Variants in SOX5 observed in about 807,000 individuals in gnomAD.
SOX5 encodes SRY-box transcription factor 5, also known as transcription factor SOX-5.
A neutral mutation model predicts 92.0 loss-of-function variants in SOX5; 9 were observed. The ratio of observed to expected loss-of-function variants is 0.10; its 90% CI spans 0.06 to 0.17. The LOEUF (loss-of-function observed/expected upper bound fraction) is 0.17, where lower values mean the gene tolerates loss of function less well. SOX5 is among the 10% of genes least tolerant of loss of function. The pLI is 1.00. For synonymous variants in SOX5, 344 were observed against 336.3 expected, an observed-to-expected ratio of 1.02 and a Z score of -0.25; for missense variants, 642 against 944.5, an observed-to-expected ratio of 0.68 and a Z score of 4.20.
chr12:24,029,122 G>C (rs1388346793), intron 4 of SOX5, among the ~76,000 whole-genome samples: 1 of 151,956 alleles, frequency 6.6e-6, no homozygotes, highest in Non-Finnish European at 1.5e-5. Flanking sequence ...CTTTTCCAAT[G>C]ATAATAGTAG....
intron 8 of SOX5, among the ~76,000 whole-genome samples, chr12:23,632,531 G>C (rs2078678490): frequency 6.6e-6 from 1 of 152,000 alleles, no homozygotes. Flanking sequence ...TCTTGGCCAA[G>C]CATATAAAGC....
intron 1 of SOX5, among the ~76,000 whole-genome samples, chr12:24,537,775 G>A (rs1001684441): frequency 3.9e-5 from 6 of 152,222 alleles, no homozygotes; most frequent in Middle Eastern, 3.4e-3. Flanking sequence ...GCATTTTCTC[G>A]AAAGTTTCTG....
intron 4 of SOX5, among the ~76,000 whole-genome samples, chr12:23,993,907 G>GCA (rs1309418845): frequency 1.3e-4 from 20 of 151,778 alleles, no homozygotes; most frequent in Non-Finnish European, 2.4e-4. Flanking sequence ...ATGTATGTAT[G>GCA]TATGTATGCA....
rs149108302 is a variant in SOX5 at position 23,727,229 on chromosome 12, A to G, written c.810+7455T>C. ...TCAATATAGTAATCAGCTTAGAGCA[A>G]CACAGACTTTGTTATTTCAAATAGC... On this transcript the variant is annotated intron_variant, in intron 6 of 14. Transcript: ENST00000451604. Among the ~76,000 whole-genome samples the G allele has an allele frequency of 2.3e-3, 345 of 152,300 alleles. 1 individual carries two copies. The highest frequency in any genetic ancestry group is 7.8e-3 in the African/African-American group (324 of 41,576).
chr12:24,025,018 C>T (rs1954727367), intron 4 of SOX5, among the ~76,000 whole-genome samples: 1 of 151,888 alleles, frequency 6.6e-6, no homozygotes. Flanking sequence ...TACTAAAATC[C>T]TATCTTTTAC....
At chr12:24,480,079 C>T (rs1945821580) in intron 1 of SOX5, among the ~76,000 whole-genome samples, 1 of 152,052 alleles carries the variant, frequency 6.6e-6, no homozygotes, top group African/African-American at 2.4e-5. Context: ...TCGAATGGAA[C>T]AGAATAGAAT....
At chr12:23,763,716 A>G (rs1439797529) in intron 3 of SOX5, among the ~76,000 whole-genome samples, 1 of 152,056 alleles carries the variant, frequency 6.6e-6, no homozygotes, top group East Asian at 1.9e-4. Context: ...TAGGTCCTCA[A>G]CAATATCTAA....
At chr12:23,562,153 T>TCATA (rs1946317972) in intron 11 of SOX5, among the ~76,000 whole-genome samples, 1 of 152,228 alleles carries the variant, frequency 6.6e-6, no homozygotes, top group Admixed American at 6.5e-5. Flanking sequence ...GACACCAATG[T>TCATA]CATACGTCTT....
At chr12:24,191,767 G>A (rs180787079) in intron 4 of SOX5, among the ~76,000 whole-genome samples, 1 of 152,264 alleles carries the variant, frequency 6.6e-6, no homozygotes, top group Admixed American at 6.5e-5. Flanking sequence ...AAGGATTAAA[G>A]TATTTTGTTT....
At chr12:24,145,953 T>A (rs562385396) in intron 4 of SOX5, among the ~76,000 whole-genome samples, 3 of 152,294 alleles carry the variant, frequency 2.0e-5, no homozygotes, top group African/African-American at 7.2e-5. Flanking sequence ...AGCTTAAACA[T>A]CTATGAATGA....
intron 1 of SOX5, among the ~76,000 whole-genome samples, chr12:23,925,587 GAA>G (rs1173271282): frequency 6.6e-6 from 1 of 152,044 alleles, no homozygotes; most frequent in Admixed American, 6.6e-5. Context: ...CTGTATGGAG[GAA>G]AGTTATTACA....
At chr12:23,992,329 G>A (rs1489562849) in intron 4 of SOX5, among the ~76,000 whole-genome samples, 1 of 151,974 alleles carries the variant, frequency 6.6e-6, no homozygotes, top group Admixed American at 6.6e-5. Flanking sequence ...AAACTAATGT[G>A]CCACAAAAAA....
chr12:23,828,245 G>A (rs899109071), intron 3 of SOX5, among the ~76,000 whole-genome samples: 20 of 152,226 alleles, frequency 1.3e-4, no homozygotes, highest in African/African-American at 3.8e-4. Flanking sequence ...ACTCTATTAC[G>A]TTTGCACAAG....
chr12:23,579,950 A>G (rs781218267), intron 9 of SOX5, among the ~76,000 whole-genome samples: 1 of 152,108 alleles, frequency 6.6e-6, no homozygotes, highest in Non-Finnish European at 1.5e-5. Context: ...TGAAAATAAC[A>G]TATTTCATAA....
chr12:23,759,019 A>C (rs2094489972), intron 3 of SOX5, among the ~76,000 whole-genome samples: 1 of 72,310 alleles, frequency 1.4e-5, no homozygotes, highest in Non-Finnish European at 2.8e-5. Context: ...AAACACACAC[A>C]CACACACACA....
intron 2 of SOX5, among the ~76,000 whole-genome samples, chr12:24,281,429 A>G (rs1006542196): frequency 6.6e-6 from 1 of 152,180 alleles, no homozygotes; most frequent in Non-Finnish European, 1.5e-5. Flanking sequence ...ATCTCTTCAC[A>G]ATAACAGCTG....
At chr12:24,308,108 A>G (rs1948800784) in intron 2 of SOX5, among the ~76,000 whole-genome samples, 1 of 151,948 alleles carries the variant, frequency 6.6e-6, no homozygotes, top group Admixed American at 6.5e-5. Context: ...CATGCCTATT[A>G]AGAGGCAAAA....
chr12:24,218,855 G>A (rs747293203), intron 3 of SOX5, among the ~76,000 whole-genome samples: 7 of 152,062 alleles, frequency 4.6e-5, no homozygotes, highest in Non-Finnish European at 7.4e-5. Context: ...ATAGGAAGAT[G>A]TTCTACTTTT....
chr12:24,288,114 C>A (rs1008783881), intron 2 of SOX5, among the ~76,000 whole-genome samples: 1 of 152,148 alleles, frequency 6.6e-6, no homozygotes, highest in Non-Finnish European at 1.5e-5. Context: ...TGCTTCACAA[C>A]TGAGGGTGAT....
Sources: gnomAD v4.1 joint callset for allele counts (sites outside exome capture counted in the v4.1 genomes callset) on GRCh38, gnomAD v4.1.1 for gene constraint, MANE v1.5 for transcripts, NCBI Gene and HGNC (gene_info 2026-07-23, HGNC 2026-07-21) for gene names.